Variants in TMEM150C observed in about 807,000 individuals in gnomAD.
The protein encoded by TMEM150C is transmembrane protein 150C.
Under a neutral mutation model 29.9 loss-of-function variants are expected in TMEM150C, and 10 were observed. That is an observed-to-expected ratio of 0.33 (90% CI 0.21 to 0.57). The LOEUF (loss-of-function observed/expected upper bound fraction) is 0.57. TMEM150C is among the 20% of genes least tolerant of loss of function. The pLI, the probability that TMEM150C is intolerant of heterozygous loss-of-function variation, is 0.88. For synonymous variants in TMEM150C, 101 were observed against 112.5 expected (o/e 0.90, Z 0.64); for missense variants, 251 against 303.6 (o/e 0.83, Z 1.29).
intron 6 of TMEM150C, chr4:82,495,825 T>G: frequency 4.0e-6 from 2 of 498,852 alleles, no homozygotes; most frequent in Non-Finnish European, 7.4e-6. Flanking sequence ...AAGTACGAAG[T>G]TTGCGTTCAT....
upstream of TMEM150C, chr4:82,562,137 A>AC (rs780371182): frequency 3.1e-5 from 39 of 1,262,882 alleles, no homozygotes; most frequent in Admixed American, 1.2e-4. Flanking sequence ...GGCTTCTGCC[A>AC]CCCCCCCGGG....
chr4:82,533,266 A>G (rs919876464), intron 1 of TMEM150C, among the ~76,000 whole-genome samples: 2 of 152,222 alleles, frequency 1.3e-5, no homozygotes, highest in Non-Finnish European at 2.9e-5. Flanking sequence ...AGAGCCATGA[A>G]TTTATCTTTT....
chr4:82,519,592 A>C (rs1423451444), intron 1 of TMEM150C, among the ~76,000 whole-genome samples: 1 of 151,986 alleles, frequency 6.6e-6, no homozygotes, highest in African/African-American at 2.4e-5. Context: ...ACGCCCAGCT[A>C]ATTTTTGTAA....
chr4:82,549,657 A>T (rs888119707), intron 1 of TMEM150C, among the ~76,000 whole-genome samples: 1 of 152,238 alleles, frequency 6.6e-6, no homozygotes, highest in Non-Finnish European at 1.5e-5. Flanking sequence ...AGTAATTAAA[A>T]TTTAAAAAGG....
chr4:82,503,263 T>C lies in TMEM150C; in HGVS notation c.81-151A>G, dbSNP rs187388483. On this transcript the variant is annotated intron_variant, in intron 2 of 7. Transcript: ENST00000449862. ...AATTCTTTACCCATAGATCATCTAG[T>C]TCTTTGAAGCTCAAATGTCATTATT... Among the ~76,000 whole-genome samples, 520 of 152,346 alleles carry C rather than the reference T, an allele frequency of 3.4e-3. 3 individuals are homozygous for C. The highest frequency in any genetic ancestry group is 0.012 in the African/African-American group (500 of 41,578).
chr4:82,486,700 C>T (rs182833396), intron 7 of TMEM150C, among the ~76,000 whole-genome samples: 132 of 152,028 alleles, frequency 8.7e-4, no homozygotes, highest in Admixed American at 2.0e-3. Context: ...CAGTGAGCTA[C>T]AATTGCACCA....
chr4:82,561,494 G>A (rs951757520), intron 1 of TMEM150C, among the ~76,000 whole-genome samples: 1 of 151,932 alleles, frequency 6.6e-6, no homozygotes, highest in South Asian at 2.1e-4. Flanking sequence ...TCTCACCCGA[G>A]TCCACCCGAT....
chr4:82,556,816 C>T (rs926908432), intron 1 of TMEM150C, among the ~76,000 whole-genome samples: 2 of 152,182 alleles, frequency 1.3e-5, no homozygotes, highest in African/African-American at 2.4e-5. Context: ...ATTCAAGCAT[C>T]CCCATCACCC....
At chr4:82,536,871 C>T (rs955016310) in intron 1 of TMEM150C, among the ~76,000 whole-genome samples, 1 of 152,062 alleles carries the variant, frequency 6.6e-6, no homozygotes, top group African/African-American at 2.4e-5. Context: ...AAGAAGAGCA[C>T]TAATGCATCA....
At chr4:82,558,459 A>G (rs953836267) in intron 1 of TMEM150C, among the ~76,000 whole-genome samples, 1 of 152,226 alleles carries the variant, frequency 6.6e-6, no homozygotes, top group Non-Finnish European at 1.5e-5. Flanking sequence ...AGCCCTACCT[A>G]CCAAAGCTGG....
intron 1 of TMEM150C, among the ~76,000 whole-genome samples, chr4:82,519,611 G>C (rs912516215): frequency 3.9e-5 from 6 of 152,008 alleles, no homozygotes; most frequent in Admixed American, 2.0e-4. Flanking sequence ...AATTTTAGTA[G>C]AGATGGGGTT....
chr4:82,526,779 A>C (rs902336991), intron 1 of TMEM150C, among the ~76,000 whole-genome samples: 3 of 152,198 alleles, frequency 2.0e-5, no homozygotes, highest in African/African-American at 7.2e-5. Context: ...AATTAAAACT[A>C]GATGGCCTCG....
chr4:82,550,449 G>C (rs1725533391), intron 1 of TMEM150C, among the ~76,000 whole-genome samples: 1 of 152,080 alleles, frequency 6.6e-6, no homozygotes, highest in Non-Finnish European at 1.5e-5. Flanking sequence ...GGGCAACTGT[G>C]GGAAGTCAAG....
intron 1 of TMEM150C, among the ~76,000 whole-genome samples, chr4:82,526,811 C>T (rs1056178336): frequency 6.6e-6 from 1 of 152,152 alleles, no homozygotes; most frequent in African/African-American, 2.4e-5. Context: ...TACTGATAGT[C>T]TTTCTGAAGT....
chr4:82,524,751 T>C (rs149107403), intron 1 of TMEM150C, among the ~76,000 whole-genome samples: 1,934 of 152,254 alleles, frequency 0.013, 20 homozygotes, highest in Middle Eastern at 0.031. Flanking sequence ...TGTAGCAACT[T>C]TGATAATGCA....
chr4:82,524,617 A>T (rs1724596215), intron 1 of TMEM150C, among the ~76,000 whole-genome samples: 1 of 152,236 alleles, frequency 6.6e-6, no homozygotes, highest in Non-Finnish European at 1.5e-5. Flanking sequence ...GTATTTACCC[A>T]GTGCCTTCCC....
chr4:82,505,004 T>C (rs1436105812), intron 1 of TMEM150C, among the ~76,000 whole-genome samples: 1 of 152,100 alleles, frequency 6.6e-6, no homozygotes, highest in Non-Finnish European at 1.5e-5. Flanking sequence ...TACTCCAGCC[T>C]GGGCGTCAGA....
chr4:82,548,998 G>A (rs957981693), intron 1 of TMEM150C, among the ~76,000 whole-genome samples: 1 of 152,190 alleles, frequency 6.6e-6, no homozygotes. Flanking sequence ...CAATGATTTG[G>A]CTTTCGCTAT....
intron 1 of TMEM150C, among the ~76,000 whole-genome samples, chr4:82,533,698 C>T (rs1413456541): frequency 1.3e-5 from 2 of 152,054 alleles, no homozygotes; most frequent in African/African-American, 4.8e-5. Flanking sequence ...CCAGTAAGTA[C>T]TTTGATAATT....
Sources: gnomAD v4.1 joint callset for allele counts (sites outside exome capture counted in the v4.1 genomes callset) on GRCh38, gnomAD v4.1.1 for gene constraint, MANE v1.5 for transcripts, NCBI Gene and HGNC (gene_info 2026-07-23, HGNC 2026-07-21) for gene names.